ITPR2: variants seen among roughly 807,000 people sequenced by gnomAD.
The protein encoded by ITPR2 is inositol 1,4,5-trisphosphate receptor type 2.
ITPR2 carries 207 observed loss-of-function variants against 317.1 expected under a neutral mutation model. The observed-to-expected ratio is 0.65, with a 90% CI of 0.58 to 0.73. The LOEUF (loss-of-function observed/expected upper bound fraction) is 0.73, where lower values mean the gene tolerates loss of function less well. Ranked by LOEUF, ITPR2 falls within the 30% of genes least tolerant of loss-of-function variation. The pLI is 0.00. For synonymous variants in ITPR2, 1,156 were observed against 1,149.1 expected (o/e 1.01, Z -0.12); for missense variants, 2,613 against 3,284.0 (o/e 0.80, Z 4.99).
At chr12:26,643,291 T>C (rs1460167399) in intron 21 of ITPR2, among the ~76,000 whole-genome samples, 1 of 152,220 alleles carries the variant, frequency 6.6e-6, no homozygotes, top group Admixed American at 6.5e-5. Context: ...GCAGTCCAAA[T>C]AGTCTAAGAC....
chr12:26,761,215 C>G (rs1341440324), intron 2 of ITPR2, among the ~76,000 whole-genome samples: 2 of 152,252 alleles, frequency 1.3e-5, no homozygotes, highest in Non-Finnish European at 2.9e-5. Context: ...CCAGCCTGCT[C>G]AAGGACTGTA....
chr12:26,702,402 C>CGG (rs1156504997), intron 9 of ITPR2, among the ~76,000 whole-genome samples: 6 of 10,756 alleles, frequency 5.6e-4, no homozygotes, highest in African/African-American at 3.3e-3. Flanking sequence ...TTTTTGGGGG[C>CGG]GGGGGTGGGG....
chr12:26,688,953 T>C (rs1185415743), intron 10 of ITPR2, among the ~76,000 whole-genome samples: 1 of 152,184 alleles, frequency 6.6e-6, no homozygotes, highest in African/African-American at 2.4e-5. Flanking sequence ...CATGAATAAC[T>C]GTATACTGGA....
chr12:26,666,129 T>C (rs1357882400), intron 13 of ITPR2, 78 bp from the exon 14 acceptor site: 5 of 371,280 alleles, frequency 1.3e-5, no homozygotes, highest in Middle Eastern at 5.6e-4. Flanking sequence ...GATAGGTAGG[T>C]AGGTAGAGAT....
At chr12:26,767,631 T>C (rs997364776) in intron 2 of ITPR2, among the ~76,000 whole-genome samples, 2 of 152,252 alleles carry the variant, frequency 1.3e-5, no homozygotes, top group African/African-American at 4.8e-5. Flanking sequence ...CACTTGTACA[T>C]GCATATATAT....
chr12:26,579,267 T>G (rs1565616975), intron 33 of ITPR2, among the ~76,000 whole-genome samples: 1 of 152,146 alleles, frequency 6.6e-6, no homozygotes, highest in Non-Finnish European at 1.5e-5. Flanking sequence ...AGTTTAAAAT[T>G]TTTCCCTAAA....
At chr12:26,425,576 GA>G (rs1375008755) in intron 49 of ITPR2, among the ~76,000 whole-genome samples, 1 of 150,392 alleles carries the variant, frequency 6.6e-6, no homozygotes, top group Non-Finnish European at 1.5e-5. Context: ...CCTGAGGCAG[GA>G]AAACCGCTTG....
intron 2 of ITPR2, among the ~76,000 whole-genome samples, chr12:26,784,628 T>G (rs1336298576): frequency 1.3e-5 from 2 of 151,012 alleles, no homozygotes; most frequent in East Asian, 4.0e-4. Context: ...GCAGACGGAG[T>G]CTTGTTCACT....
chr12:26,394,042 A>G (rs1939923263), intron 54 of ITPR2, among the ~76,000 whole-genome samples: 1 of 151,328 alleles, frequency 6.6e-6, no homozygotes, highest in African/African-American at 2.5e-5. Context: ...TGGTTCTCTT[A>G]AAGAAGAGAA....
intron 40 of ITPR2, 157 bp downstream of exon 40, chr12:26,486,911 A>T: frequency 1.3e-6 from 1 of 753,560 alleles, no homozygotes. Context: ...GAGCCGTTTT[A>T]GGGTCACCCC....
chr12:26,789,699 G>C (rs1020075930), intron 2 of ITPR2, among the ~76,000 whole-genome samples: 2 of 152,126 alleles, frequency 1.3e-5, no homozygotes, highest in Non-Finnish European at 2.9e-5. Context: ...ATACTTAGGA[G>C]TTCTAAGACA....
chr12:26,821,283 C>T (rs1000950837), intron 1 of ITPR2, among the ~76,000 whole-genome samples: 2 of 152,184 alleles, frequency 1.3e-5, no homozygotes, highest in Non-Finnish European at 2.9e-5. Context: ...GAAATTGGAG[C>T]CCTGCTCACA....
chr12:26,431,477 C>T (rs1941206944), intron 48 of ITPR2, among the ~76,000 whole-genome samples: 2 of 152,154 alleles, frequency 1.3e-5, no homozygotes, highest in African/African-American at 4.8e-5. Context: ...ATACCTTAAA[C>T]AAACAAACAG....
At position 26,550,244 on chromosome 12, in the gene ITPR2, T is replaced by C. The variant is rs1424417896; in HGVS notation, c.5073+3A>G. 1.5e-6 allele frequency: 2 copies of C among 1,291,688 alleles called. No homozygotes were observed. Among genetic ancestry groups the C allele is most frequent in the Non-Finnish European group, 2.2e-6 (2 of 913,782 alleles). 80.0% of individuals were successfully genotyped at this position (1,291,688 alleles called of 1,614,324 possible). On this transcript the variant is annotated splice_donor_region_variant and intron_variant, in intron 37 of 56. Transcript: ENST00000381340. ...TAAATAATAAAGTTTTTTAAAAAAATACCTCTTCCACAAAGCTGTCTTTCT... is the reference window on the plus strand; with the variant it reads ...TAAATAATAAAGTTTTTTAAAAAAACACCTCTTCCACAAAGCTGTCTTTCT...
At chr12:26,359,433 G>C (rs1938751500) in intron 55 of ITPR2, among the ~76,000 whole-genome samples, 1 of 152,134 alleles carries the variant, frequency 6.6e-6, no homozygotes. Flanking sequence ...TTGGAGGCAG[G>C]GCAATCTCAG....
intron 10 of ITPR2, among the ~76,000 whole-genome samples, chr12:26,694,981 C>T (rs1389812291): frequency 7.2e-5 from 11 of 152,116 alleles, no homozygotes; most frequent in Admixed American, 7.2e-4. Context: ...TGTCAATATC[C>T]TCACAAATCC....
At chr12:26,723,145 T>C (rs1948865414) in intron 4 of ITPR2, among the ~76,000 whole-genome samples, 1 of 152,070 alleles carries the variant, frequency 6.6e-6, no homozygotes, top group African/African-American at 2.4e-5. Flanking sequence ...AACAAAATCT[T>C]ACAAAAACAT....
chr12:26,529,281 GA>G (rs2136955919), intron 37 of ITPR2, among the ~76,000 whole-genome samples: 1 of 152,290 alleles, frequency 6.6e-6, no homozygotes, highest in South Asian at 2.1e-4. Context: ...GGGCCTACAT[GA>G]TCCAGCCCCT....
At chr12:26,655,899 A>G in intron 19 of ITPR2, 47 bp from the exon 20 acceptor site, 1 of 1,543,820 alleles carries the variant, frequency 6.5e-7, no homozygotes, top group Non-Finnish European at 8.8e-7. Context: ...GATTGCAATC[A>G]TTTAAAAATA....
Sources: allele counts gnomAD v4.1 joint callset (sites outside exome capture counted in the v4.1 genomes callset), GRCh38; gene constraint gnomAD v4.1.1; transcripts MANE v1.5; gene names NCBI Gene and HGNC (gene_info 2026-07-23, HGNC 2026-07-21).